Variants in OSBPL9 observed in about 807,000 individuals in gnomAD.
OSBPL9 encodes the protein oxysterol binding protein like 9, also known as oxysterol-binding protein-related protein 9.
A neutral mutation model predicts 106.6 loss-of-function variants in OSBPL9; 40 were observed. The observed-to-expected ratio is 0.38, with a 90% CI of 0.29 to 0.49. OSBPL9 has a LOEUF of 0.49. OSBPL9 is among the 20% of genes least tolerant of loss of function. The pLI is 0.97. For synonymous variants in OSBPL9, 269 were observed against 295.4 expected (o/e 0.91, Z 0.92); for missense variants, 609 against 887.2 (o/e 0.69, Z 3.98).
chr1:51,592,263 C>T (rs1192343095), intron 1 of OSBPL9, among the ~76,000 whole-genome samples: 1 of 151,784 alleles, frequency 6.6e-6, no homozygotes, highest in Non-Finnish European at 1.5e-5. Context: ...TACAGGCGCC[C>T]GCCACCACAC....
chr1:51,609,342 C>CTT (rs1212729230), intron 2 of OSBPL9, among the ~76,000 whole-genome samples: 9 of 138,248 alleles, frequency 6.5e-5, no homozygotes, highest in East Asian at 2.1e-4. Flanking sequence ...CTTCTCTCTC[C>CTT]TTTTTTTTTT....
At chr1:51,617,562 G>A (rs1210682326) in intron 1 of OSBPL9, among the ~76,000 whole-genome samples, 2 of 152,156 alleles carry the variant, frequency 1.3e-5, no homozygotes, top group African/African-American at 4.8e-5. Context: ...CAGTCTTGCG[G>A]TTCATGCTGT....
At chr1:51,606,891 A>G (rs1643952174) in intron 2 of OSBPL9, among the ~76,000 whole-genome samples, 1 of 151,940 alleles carries the variant, frequency 6.6e-6, no homozygotes, top group Non-Finnish European at 1.5e-5. Flanking sequence ...TCCTAAAAAT[A>G]CAAAAAAAAT....
chr1:51,560,711 G>T, the OSBPL9 span, among the ~76,000 whole-genome samples: 58 of 152,178 alleles, frequency 3.8e-4, no homozygotes, highest in Non-Finnish European at 8.1e-4. Context: ...TTAAAGGCTG[G>T]CGTATTGGTC....
At chr1:51,641,347 G>T (rs566466287) in intron 1 of OSBPL9, among the ~76,000 whole-genome samples, 53 of 152,188 alleles carry the variant, frequency 3.5e-4, no homozygotes, top group African/African-American at 1.3e-3. Context: ...TCCCAAAGGC[G>T]CACCTCCTAA....
chr1:51,663,789 C>T (rs147571812), intron 2 of OSBPL9, among the ~76,000 whole-genome samples: 5 of 152,246 alleles, frequency 3.3e-5, no homozygotes, highest in African/African-American at 1.2e-4. Context: ...AGAACTCCTA[C>T]AAGTCATTAG....
intron 2 of OSBPL9, 139 bp from the exon 3 acceptor site, chr1:51,669,295 T>A (rs555760823): frequency 4.4e-6 from 3 of 682,176 alleles, no homozygotes; most frequent in Middle Eastern, 4.0e-4. Context: ...TAAGCAAAAC[T>A]AGAGTCTCAG....
chr1:51,759,563 TTCCAGATCAATTAAA>T (rs1232661282), intron 9 of OSBPL9: 1 of 152,212 alleles, frequency 6.6e-6, no homozygotes, highest in Admixed American at 6.5e-5. Flanking sequence ...AAGTTCAGTT[TTCCAGATCAATTAAA>T]GGTAAAGAAC....
chr1:51,756,500 T>G, intron 9 of OSBPL9, 142 bp downstream of exon 9: 7 of 716,576 alleles, frequency 9.8e-6, no homozygotes, highest in Non-Finnish European at 1.4e-5. Flanking sequence ...CAGTTTCCTT[T>G]AAGCTCCCTT....
chr1:51,665,022 A>G (rs994696199), intron 2 of OSBPL9, among the ~76,000 whole-genome samples: 2 of 152,240 alleles, frequency 1.3e-5, no homozygotes, highest in African/African-American at 4.8e-5. Flanking sequence ...AGTGTTATCC[A>G]ACAGACCTTT....
At chr1:51,717,262 CA>C (rs2148901086) in intron 4 of OSBPL9, among the ~76,000 whole-genome samples, 1 of 152,312 alleles carries the variant, frequency 6.6e-6, no homozygotes, top group Non-Finnish European at 1.5e-5. Flanking sequence ...CCACCATTCC[CA>C]GCCATGTTTT....
chr1:51,636,126 C>T (rs76045454), intron 1 of OSBPL9, among the ~76,000 whole-genome samples: 1,677 of 142,520 alleles, frequency 0.012, 40 homozygotes, highest in African/African-American at 0.043. Context: ...TAAAATCAAT[C>T]CTTCCTTCCT....
chr1:51,552,980 A>C, the OSBPL9 span, among the ~76,000 whole-genome samples: 1 of 151,984 alleles, frequency 6.6e-6, no homozygotes, highest in South Asian at 2.1e-4. Flanking sequence ...AAAAAAAACA[A>C]ACTTTTTTTT....
intron 4 of OSBPL9, among the ~76,000 whole-genome samples, chr1:51,727,500 A>G (rs1475541198): frequency 6.6e-6 from 1 of 152,252 alleles, no homozygotes; most frequent in Non-Finnish European, 1.5e-5. Flanking sequence ...GTATAGATCA[A>G]CATTAATCAA....
chr1:51,730,161 C>G, intron 4 of OSBPL9: 1 of 1,242,832 alleles, frequency 8.0e-7, no homozygotes, highest in Non-Finnish European at 1.0e-6. Context: ...GCCCCTCTTC[C>G]TTGGGAGTTC....
At chr1:51,723,660 C>T (rs1374920208) in intron 4 of OSBPL9, among the ~76,000 whole-genome samples, 4 of 152,116 alleles carry the variant, frequency 2.6e-5, no homozygotes, top group African/African-American at 4.8e-5. Flanking sequence ...GATCCTCCTG[C>T]GTTAGCCTCC....
At chr1:51,685,714 T>C (rs1653641189) in intron 3 of OSBPL9, among the ~76,000 whole-genome samples, 1 of 152,188 alleles carries the variant, frequency 6.6e-6, no homozygotes. Flanking sequence ...ATGATTATCT[T>C]TGTCTTTTGA....
the OSBPL9 span, among the ~76,000 whole-genome samples, chr1:51,541,403 C>G: frequency 6.6e-6 from 1 of 152,122 alleles, no homozygotes; most frequent in African/African-American, 2.4e-5. Context: ...CCACACATAC[C>G]CCTACTCAAA....
the OSBPL9 span, among the ~76,000 whole-genome samples, chr1:51,543,797 G>A: frequency 1.3e-5 from 2 of 152,158 alleles, no homozygotes; most frequent in Non-Finnish European, 2.9e-5. Context: ...TGTGCAGTCT[G>A]GCCAGTCTGC....
Sources: allele counts gnomAD v4.1 joint callset (sites outside exome capture counted in the v4.1 genomes callset), GRCh38; gene constraint gnomAD v4.1.1; transcripts MANE v1.5; gene names NCBI Gene and HGNC (gene_info 2026-07-23, HGNC 2026-07-21).